Variants in LRRC4C observed in about 807,000 individuals in gnomAD.
LRRC4C encodes the protein leucine rich repeat containing 4C, also known as leucine-rich repeat-containing protein 4C.
In LRRC4C, 5 loss-of-function variants were observed where a neutral mutation model predicts 33.6. The observed-to-expected ratio is 0.15, with a 90% CI of 0.08 to 0.31. LRRC4C has a LOEUF of 0.31. Among genes scored for constraint, LRRC4C ranks in the 10% least tolerant of loss-of-function variants. The pLI, the probability that LRRC4C is intolerant of heterozygous loss-of-function variation, is 1.00. For missense variants in LRRC4C, 560 were observed against 796.7 expected (o/e 0.70, Z 3.58); for synonymous variants, 329 against 302.0 (o/e 1.09, Z -0.93).
At chr11:41,294,347 T>C (rs960693391) in intron 1 of LRRC4C, among the ~76,000 whole-genome samples, 32 of 152,300 alleles carry the variant, frequency 2.1e-4, no homozygotes, top group Non-Finnish European at 4.3e-4. Flanking sequence ...CAGGTGAGAC[T>C]TGGGGCTCTC....
At chr11:40,150,666 A>G (rs1374327961) in intron 5 of LRRC4C, among the ~76,000 whole-genome samples, 1 of 151,904 alleles carries the variant, frequency 6.6e-6, no homozygotes, top group Non-Finnish European at 1.5e-5. Context: ...CTGTTCTCAA[A>G]CCCCTGAGGC....
intron 1 of LRRC4C, among the ~76,000 whole-genome samples, chr11:41,119,712 G>T (rs1437141119): frequency 6.6e-6 from 1 of 152,146 alleles, no homozygotes; most frequent in African/African-American, 2.4e-5. Context: ...TCAGGATTAT[G>T]AAATATGTGT....
chr11:40,899,928 A>G (rs1359463115), intron 2 of LRRC4C, among the ~76,000 whole-genome samples: 1 of 152,186 alleles, frequency 6.6e-6, no homozygotes, highest in African/African-American at 2.4e-5. Flanking sequence ...ATTAAAATGT[A>G]TGTGTCTGGA....
chr11:41,437,960 C>A (rs1201753566), intron 1 of LRRC4C, among the ~76,000 whole-genome samples: 1 of 151,914 alleles, frequency 6.6e-6, no homozygotes, highest in South Asian at 2.1e-4. Context: ...ATAACTTGAA[C>A]CTGTGAGCTG....
At chr11:40,361,223 A>G (rs1023056304) in intron 3 of LRRC4C, among the ~76,000 whole-genome samples, 4 of 152,176 alleles carry the variant, frequency 2.6e-5, no homozygotes, top group African/African-American at 4.8e-5. Context: ...CCTATTTAAC[A>G]TAGTATTGGA....
intron 2 of LRRC4C, among the ~76,000 whole-genome samples, chr11:40,809,679 A>G (rs2135373165): frequency 6.6e-6 from 1 of 152,310 alleles, no homozygotes; most frequent in Admixed American, 6.5e-5. Flanking sequence ...AATTATGTTG[A>G]CATGTTGCAC....
chr11:40,458,841 G>A (rs41324851), intron 3 of LRRC4C, among the ~76,000 whole-genome samples: 6,218 of 152,204 alleles, frequency 0.041, 413 homozygotes, highest in African/African-American at 0.14. Flanking sequence ...AATAAACTCA[G>A]AGAGAATGTT....
rs11036202 is a variant in LRRC4C, at chr11:41,048,251, G to C, written c.-495-114528C>G. ...TATCTGGAATAAGATTTTCAGTTTA[G>C]ATTCTTTACTTTTTTTTTTTTTTTT... On this transcript the variant is annotated intron_variant, in intron 1 of 6. Coordinates refer to ENST00000528697, the MANE Select transcript of LRRC4C (RefSeq NM_001258419.2). Among the ~76,000 whole-genome samples the C allele has an allele frequency of 0.015, 1,962 of 132,756 alleles. 140 individuals are homozygous for C. The East Asian group carries it at 0.22, about 15-fold the overall frequency. 87.1% of individuals were successfully genotyped at this position (132,756 alleles called of 152,430 possible).
chr11:41,215,038 A>ATC (rs1555113000), intron 1 of LRRC4C, among the ~76,000 whole-genome samples: 4 of 142,244 alleles, frequency 2.8e-5, no homozygotes, highest in African/African-American at 1.0e-4. Context: ...ATATATATAT[A>ATC]TCACATTTTG....
chr11:41,259,935 C>T (rs1251024147), intron 1 of LRRC4C, among the ~76,000 whole-genome samples: 2 of 151,932 alleles, frequency 1.3e-5, no homozygotes, highest in Non-Finnish European at 1.5e-5. Flanking sequence ...GTTAATATGC[C>T]ATTTTTAATC....
chr11:40,231,723 A>G (rs1215114907), intron 5 of LRRC4C, among the ~76,000 whole-genome samples: 1 of 152,186 alleles, frequency 6.6e-6, no homozygotes, highest in East Asian at 1.9e-4. Context: ...GACACTGAAG[A>G]CCCTATATAG....
chr11:40,831,161 C>T (rs1245101552), intron 2 of LRRC4C, among the ~76,000 whole-genome samples: 1 of 152,090 alleles, frequency 6.6e-6, no homozygotes, highest in Non-Finnish European at 1.5e-5. Flanking sequence ...AGAGATTCTT[C>T]ACTGGGTTCT....
chr11:40,402,555 T>C (rs1949800322), intron 3 of LRRC4C, among the ~76,000 whole-genome samples: 1 of 152,118 alleles, frequency 6.6e-6, no homozygotes, highest in South Asian at 2.1e-4. Context: ...AGATGTTATA[T>C]GAATTCACTT....
intron 1 of LRRC4C, among the ~76,000 whole-genome samples, chr11:41,063,628 T>C (rs893909058): frequency 1.3e-5 from 2 of 152,112 alleles, no homozygotes; most frequent in Non-Finnish European, 1.5e-5. Flanking sequence ...GAGCATAACA[T>C]TGATATGCTT....
chr11:40,264,177 T>C (rs1438943694), intron 4 of LRRC4C, among the ~76,000 whole-genome samples: 1 of 152,166 alleles, frequency 6.6e-6, no homozygotes, highest in African/African-American at 2.4e-5. Flanking sequence ...CCAGAGCCAG[T>C]ATTTGAAAAC....
At chr11:40,785,345 A>C (rs1221159352) in intron 2 of LRRC4C, among the ~76,000 whole-genome samples, 1 of 152,162 alleles carries the variant, frequency 6.6e-6, no homozygotes, top group African/African-American at 2.4e-5. Context: ...CTTGCAAAAA[A>C]ATTTATTTTT....
At chr11:40,549,927 A>C (rs1176666466) in intron 3 of LRRC4C, among the ~76,000 whole-genome samples, 1 of 152,140 alleles carries the variant, frequency 6.6e-6, no homozygotes, top group Non-Finnish European at 1.5e-5. Context: ...ACTCTCATTA[A>C]TGTTGAAATA....
At chr11:41,384,098 T>C (rs1953261510) in intron 1 of LRRC4C, among the ~76,000 whole-genome samples, 1 of 151,974 alleles carries the variant, frequency 6.6e-6, no homozygotes, top group African/African-American at 2.4e-5. Flanking sequence ...TATTTTAAAA[T>C]GTAAAGCTGT....
In LRRC4C at chr11:40,472,771, G is replaced by A. The variant is rs1590846601; in HGVS notation, c.-269-153050C>T. On this transcript the variant is annotated intron_variant, in intron 3 of 6. Coordinates refer to ENST00000528697, the MANE Select transcript of LRRC4C (RefSeq NM_001258419.2). ...TAGACACAATAAAAATGATAAAAGG[G>A]ATATCAACACTGATCCCACAGAAAT... 2.0e-5 allele frequency among the ~76,000 whole-genome samples: 3 copies of A among 152,064 alleles called. No individual in the cohort carries two copies. The South Asian group carries it at 6.2e-4, about 32-fold the overall frequency.
Sources: allele counts gnomAD v4.1 joint callset (sites outside exome capture counted in the v4.1 genomes callset), GRCh38; gene constraint gnomAD v4.1.1; transcripts MANE v1.5; gene names NCBI Gene and HGNC (gene_info 2026-07-23, HGNC 2026-07-21).